CTNND2: variants seen among roughly 807,000 people sequenced by gnomAD.
CTNND2 encodes catenin delta-2.
CTNND2 carries 22 observed loss-of-function variants against 144.4 expected under a neutral mutation model. The ratio of observed to expected loss-of-function variants is 0.15; its 90% CI spans 0.11 to 0.22. The LOEUF is 0.22. CTNND2 is among the 10% of genes least tolerant of loss of function. The pLI is 1.00. For missense variants in CTNND2, 1,353 were observed against 1,618.8 expected, an observed-to-expected ratio of 0.84 and a Z score of 2.82; for synonymous variants, 751 against 695.6, an observed-to-expected ratio of 1.08 and a Z score of -1.25.
chr5:11,503,442 A>G (rs1770724149), intron 3 of CTNND2, among the ~76,000 whole-genome samples: 1 of 152,218 alleles, frequency 6.6e-6, no homozygotes, highest in African/African-American at 2.4e-5. Context: ...GTCTCCGTTG[A>G]CCAAGGTTTT....
chr5:11,287,264 C>T (rs779916517), intron 9 of CTNND2, among the ~76,000 whole-genome samples: 4 of 152,134 alleles, frequency 2.6e-5, no homozygotes, highest in African/African-American at 4.8e-5. Context: ...ACCCAAAATG[C>T]GCATGGGCCT....
At chr5:11,310,976 A>T (rs1750753614) in intron 9 of CTNND2, among the ~76,000 whole-genome samples, 1 of 141,242 alleles carries the variant, frequency 7.1e-6, no homozygotes, top group South Asian at 2.3e-4. Flanking sequence ...ACACATACAC[A>T]CACTCTCACA....
At chr5:11,424,336 G>T (rs1253077210) in intron 3 of CTNND2, among the ~76,000 whole-genome samples, 1 of 152,134 alleles carries the variant, frequency 6.6e-6, no homozygotes, top group Non-Finnish European at 1.5e-5. Flanking sequence ...TGGAGAAGGA[G>T]GTGTGTGGCT....
At chr5:11,724,469 A>C (rs1318951475) in intron 2 of CTNND2, among the ~76,000 whole-genome samples, 1 of 152,200 alleles carries the variant, frequency 6.6e-6, no homozygotes, top group African/African-American at 2.4e-5. Context: ...GTGTGGTATT[A>C]TTTAACAAAA....
At chr5:11,480,507 C>A (rs905980377) in intron 3 of CTNND2, among the ~76,000 whole-genome samples, 9 of 152,172 alleles carry the variant, frequency 5.9e-5, no homozygotes, top group Admixed American at 5.9e-4. Context: ...ACACAGATAA[C>A]TCCCTTCAAA....
rs137951349 is a variant in CTNND2, at chr5:11,349,528, A to G, written c.1373-2901T>C. Among the ~76,000 whole-genome samples, 471 of 152,332 alleles carry G rather than the reference A, an allele frequency of 3.1e-3. 3 individuals carry two copies. The highest frequency in any genetic ancestry group is 0.011 in the African/African-American group (450 of 41,568). On this transcript the variant is annotated intron_variant, in intron 8 of 21. Coordinates refer to ENST00000304623, the MANE Select transcript of CTNND2 (RefSeq NM_001332.4). ...TCTAGAGTTCATGCTCATAGACACC[A>G]TGGCTACCAGGGCAGGTTTAAAACC...
intron 12 of CTNND2, among the ~76,000 whole-genome samples, chr5:11,124,884 C>A (rs936927339): frequency 2.0e-5 from 3 of 152,312 alleles, no homozygotes; most frequent in Admixed American, 6.5e-5. Flanking sequence ...GGATCCTAAA[C>A]TGTCTAAAAA....
chr5:11,613,381 T>C (rs1257976218), intron 2 of CTNND2, among the ~76,000 whole-genome samples: 1 of 152,182 alleles, frequency 6.6e-6, no homozygotes, highest in Non-Finnish European at 1.5e-5. Context: ...ACTGATGACA[T>C]TTATGAGAGA....
intron 10 of CTNND2, among the ~76,000 whole-genome samples, chr5:11,223,515 C>A (rs1580632232): frequency 6.6e-6 from 1 of 152,178 alleles, no homozygotes; most frequent in African/African-American, 2.4e-5. Flanking sequence ...TCCTGTTAAA[C>A]TTCTAAATGG....
chr5:11,805,242 G>A (rs10053425), intron 1 of CTNND2, among the ~76,000 whole-genome samples: 15,155 of 152,080 alleles, frequency 0.1, 1,787 homozygotes, highest in African/African-American at 0.28. Context: ...CTGATATATA[G>A]CTTTGTACAG....
At chr5:11,561,226 T>C (rs1776661025) in intron 3 of CTNND2, among the ~76,000 whole-genome samples, 1 of 152,184 alleles carries the variant, frequency 6.6e-6, no homozygotes, top group African/African-American at 2.4e-5. Flanking sequence ...TAAAAAAGCA[T>C]CATCTGTATA....
chr5:11,681,527 C>A (rs553953884), intron 2 of CTNND2, among the ~76,000 whole-genome samples: 8 of 152,202 alleles, frequency 5.3e-5, no homozygotes, highest in Admixed American at 4.6e-4. Flanking sequence ...GCTGAAGTCT[C>A]TAAGAAATCC....
intron 2 of CTNND2, among the ~76,000 whole-genome samples, chr5:11,678,975 G>A (rs1784305722): frequency 6.6e-6 from 1 of 151,800 alleles, no homozygotes. Context: ...CATGGTGCTG[G>A]GATGGACACC....
intron 8 of CTNND2, among the ~76,000 whole-genome samples, chr5:11,356,943 T>C (rs993578831): frequency 1.3e-5 from 2 of 151,938 alleles, no homozygotes; most frequent in Admixed American, 1.3e-4. Flanking sequence ...TAAACATAAC[T>C]AATCATCAGG....
At chr5:11,211,122 G>A (rs917756482) in intron 10 of CTNND2, among the ~76,000 whole-genome samples, 6 of 152,162 alleles carry the variant, frequency 3.9e-5, no homozygotes, top group African/African-American at 1.4e-4. Flanking sequence ...GTCAGAGAAG[G>A]AAGAAAGGAT....
intron 1 of CTNND2, among the ~76,000 whole-genome samples, chr5:11,774,948 A>G (rs1271514649): frequency 6.6e-6 from 1 of 152,094 alleles, no homozygotes; most frequent in African/African-American, 2.4e-5. Flanking sequence ...CCAGCTTCTC[A>G]CTTCTTACAT....
At chr5:11,310,756 C>T (rs922414523) in intron 9 of CTNND2, among the ~76,000 whole-genome samples, 1 of 151,710 alleles carries the variant, frequency 6.6e-6, no homozygotes, top group Non-Finnish European at 1.5e-5. Context: ...CAAGCACTCT[C>T]ACCTCACACA....
At chr5:11,288,998 T>C (rs532965661) in intron 9 of CTNND2, among the ~76,000 whole-genome samples, 2 of 152,230 alleles carry the variant, frequency 1.3e-5, no homozygotes, top group East Asian at 1.9e-4. Flanking sequence ...CCTCAGCATA[T>C]AGAATCCCCA....
rs141260665 is a variant in CTNND2 at position 11,064,381 on chromosome 5, T to C, written c.2788+18315A>G. Among the ~76,000 whole-genome samples the C allele has an allele frequency of 2.4e-3, 358 of 152,150 alleles. 1 individual carries two copies. The highest frequency in any genetic ancestry group is 3.8e-3 in the Non-Finnish European group (258 of 67,998). On this transcript the variant is annotated intron_variant, in intron 16 of 21. Coordinates refer to ENST00000304623, the MANE Select transcript of CTNND2 (RefSeq NM_001332.4). ...CTGAGCAGAGACTAGATAACAATCA[T>C]ATAGACTGTGAAAAGTCCTGAACCT... is the stretch of plus-strand genomic sequence containing the variant.
Sources: gnomAD v4.1 joint callset for allele counts (sites outside exome capture counted in the v4.1 genomes callset) on GRCh38, gnomAD v4.1.1 for gene constraint, MANE v1.5 for transcripts, NCBI Gene and HGNC (gene_info 2026-07-23, HGNC 2026-07-21) for gene names.